JAM3: variants seen among roughly 807,000 people sequenced by gnomAD.
JAM3 encodes the protein junctional adhesion molecule 3.
A neutral mutation model predicts 39.4 loss-of-function variants in JAM3; 31 were observed. The ratio of observed to expected loss-of-function variants is 0.79; its 90% CI spans 0.59 to 1.06. JAM3 has a LOEUF of 1.06. Ranked by LOEUF, JAM3 falls within the 50% of genes least tolerant of loss-of-function variation. The pLI, the probability that JAM3 is intolerant of heterozygous loss-of-function variation, is 0.00. For synonymous variants in JAM3, 182 were observed against 148.7 expected, an observed-to-expected ratio of 1.22 and a Z score of -1.63; for missense variants, 455 against 391.4, an observed-to-expected ratio of 1.16 and a Z score of -1.37.
At chr11:134,147,736 T>G (rs1943104912) in intron 6 of JAM3, 1 of 152,140 alleles carries the variant, frequency 6.6e-6, no homozygotes, top group African/African-American at 2.4e-5. Flanking sequence ...TCTGCCCACC[T>G]CGGCCTCCCA....
intron 1 of JAM3, among the ~76,000 whole-genome samples, chr11:134,126,007 T>C (rs1211356465): frequency 6.6e-6 from 1 of 152,188 alleles, no homozygotes; most frequent in Non-Finnish European, 1.5e-5. Context: ...GGTCTCACTT[T>C]CCTCTGTCCT....
At position 134,151,323 on chromosome 11, in the gene JAM3, A is replaced by T. The variant is rs1369354809; in HGVS notation, c.*2142A>T. ...TGCTCCCTGGTGTCTGCTGCATGGC[A>T]TCCTGGATGCTTAGCATGCAAGTTC... On this transcript the variant is annotated 3_prime_UTR_variant, in exon 9 of 9. Transcript: ENST00000299106. 1 of 152,184 alleles carries T rather than the reference A, an allele frequency of 6.6e-6. No homozygotes were observed. Among genetic ancestry groups the T allele is most frequent in the Non-Finnish European group, 1.5e-5 (1 of 68,044 alleles). The allele number at this position is 152,184 out of a possible 1,614,324, so 9.4% of individuals were successfully genotyped here.
At chr11:134,143,230 A>G (rs1286214329) in intron 3 of JAM3, among the ~76,000 whole-genome samples, 1 of 152,106 alleles carries the variant, frequency 6.6e-6, no homozygotes, top group East Asian at 1.9e-4. Flanking sequence ...ATTTTCCCAC[A>G]TCCTTACCAA....
intron 1 of JAM3, among the ~76,000 whole-genome samples, chr11:134,089,997 C>A (rs983959826): frequency 2.7e-4 from 41 of 152,326 alleles, no homozygotes; most frequent in Non-Finnish European, 4.0e-4. Flanking sequence ...TAATGATCGC[C>A]ATTCTAACTG....
At chr11:134,145,153 C>T (rs1591808544) in intron 5 of JAM3, 159 bp downstream of exon 5, 2 of 618,974 alleles carry the variant, frequency 3.2e-6, no homozygotes, top group Non-Finnish European at 5.8e-6. Flanking sequence ...GACCCTTCTT[C>T]CTTTTATAAA....
intron 1 of JAM3, among the ~76,000 whole-genome samples, chr11:134,126,140 T>G (rs1444846220): frequency 6.6e-6 from 1 of 152,174 alleles, no homozygotes; most frequent in East Asian, 1.9e-4. Flanking sequence ...AGGAAAAGCA[T>G]AGATTTTCCT....
At chr11:134,115,614 A>AG (rs1336463842) in intron 1 of JAM3, among the ~76,000 whole-genome samples, 1 of 151,844 alleles carries the variant, frequency 6.6e-6, no homozygotes, top group African/African-American at 2.4e-5. Flanking sequence ...AGATTGGGGG[A>AG]GGGGGTCAGG....
Position 134,144,756 on chromosome 11 carries a change from A to G in JAM3, c.410-36A>G, listed in dbSNP as rs756088069. Reference sequence around the variant, plus strand: ...GCTTTAATAAGAATAGAGCCCTGTCACTGAGATCTTAAACACCACCCCTTT... The same window carrying G: ...GCTTTAATAAGAATAGAGCCCTGTCGCTGAGATCTTAAACACCACCCCTTT... On this transcript the variant is annotated intron_variant, in intron 4 of 8. Coordinates refer to ENST00000299106, the MANE Select transcript of JAM3 (RefSeq NM_032801.5). 5 of 1,545,032 alleles carry G rather than the reference A, an allele frequency of 3.2e-6. No individual in the cohort carries two copies. In the East Asian group the frequency reaches 1.1e-4, roughly 35 times the overall value.
At chr11:134,088,240 C>T (rs575108361) in intron 1 of JAM3, among the ~76,000 whole-genome samples, 23 of 152,204 alleles carry the variant, frequency 1.5e-4, no homozygotes, top group Non-Finnish European at 2.2e-4. Flanking sequence ...TTTAAAATTT[C>T]GACACCAAAA....
intron 6 of JAM3, chr11:134,148,280 C>T: frequency 2.0e-6 from 1 of 508,360 alleles, no homozygotes; most frequent in Non-Finnish European, 3.6e-6. Flanking sequence ...GCCTACAGTG[C>T]CAAGCCCACT....
intron 3 of JAM3, among the ~76,000 whole-genome samples, chr11:134,141,463 A>T (rs1054276109): frequency 6.6e-6 from 1 of 150,570 alleles, no homozygotes; most frequent in Non-Finnish European, 1.5e-5. Flanking sequence ...GAGAGGGGGG[A>T]GAGGGGCTGG....
chr11:134,099,237 T>TA (rs1942034032), intron 1 of JAM3, among the ~76,000 whole-genome samples: 1 of 152,034 alleles, frequency 6.6e-6, no homozygotes. Context: ...CCAGGTTGCA[T>TA]GGGGGAGGAA....
chr11:134,121,101 G>A (rs1942523365), intron 1 of JAM3, among the ~76,000 whole-genome samples: 1 of 152,178 alleles, frequency 6.6e-6, no homozygotes, highest in Non-Finnish European at 1.5e-5. Context: ...AGAGGCTGGG[G>A]ACAGTGCAGA....
intron 1 of JAM3, among the ~76,000 whole-genome samples, chr11:134,110,689 G>A (rs1297681911): frequency 6.6e-6 from 1 of 151,218 alleles, no homozygotes. Context: ...GGAGCATTAG[G>A]AAACTTTTGA....
intron 1 of JAM3, among the ~76,000 whole-genome samples, chr11:134,069,692 G>A (rs193285231): frequency 1.3e-3 from 203 of 152,310 alleles, no homozygotes; most frequent in African/African-American, 4.7e-3. Context: ...GGAACTTGCT[G>A]GAAGACCCTG....
rs1464113222 is a variant in JAM3 at position 134,146,129 on chromosome 11, G to C, written c.712+84G>C. On this transcript the variant is annotated intron_variant, in intron 6 of 8. Coordinates refer to ENST00000299106, the MANE Select transcript of JAM3 (RefSeq NM_032801.5). ...AATTTAATATTATACCATCAGCTTA[G>C]AGAACTCTTCCGCCATGGGTTAGCT... The C allele has an allele frequency of 4.1e-6, 4 of 968,028 alleles. No homozygotes were observed. In the East Asian group the frequency reaches 1.0e-4, roughly 25 times the overall value. The allele number at this position is 968,028 out of a possible 1,614,324, so 60.0% of individuals were successfully genotyped here.
At chr11:134,140,031 T>G in intron 2 of JAM3, 115 bp downstream of exon 2, 1 of 843,472 alleles carries the variant, frequency 1.2e-6, no homozygotes, top group Non-Finnish European at 2.0e-6. Flanking sequence ...ATGTTCCGGG[T>G]GGACTGCTCT....
At chr11:134,101,094 G>T (rs940086745) in intron 1 of JAM3, among the ~76,000 whole-genome samples, 22 of 152,160 alleles carry the variant, frequency 1.4e-4, no homozygotes, top group African/African-American at 5.1e-4. Flanking sequence ...CCAGCATGGG[G>T]TAACAGTGTA....
chr11:134,145,603 G>A (rs944133894), intron 5 of JAM3, among the ~76,000 whole-genome samples: 3 of 152,176 alleles, frequency 2.0e-5, no homozygotes, highest in Admixed American at 1.3e-4. Context: ...CCAGTTCCAC[G>A]TAGTCATCAG....
Sources: allele counts gnomAD v4.1 joint callset (sites outside exome capture counted in the v4.1 genomes callset), GRCh38; gene constraint gnomAD v4.1.1; transcripts MANE v1.5; gene names NCBI Gene and HGNC (gene_info 2026-07-23, HGNC 2026-07-21).